The following KIF1B variants were observed in gnomAD, a reference collection of about 807,000 sequenced individuals.
KIF1B encodes kinesin-like protein KIF1B.
KIF1B carries 76 observed loss-of-function variants against 241.9 expected under a neutral mutation model. The ratio of observed to expected loss-of-function variants is 0.31; its 90% confidence interval spans 0.26 to 0.38. KIF1B has a LOEUF of 0.38. KIF1B is among the 10% of genes least tolerant of loss of function. The probability of loss-of-function intolerance (pLI) is 1.00; values close to 1 mark genes in which losing one functional copy is unlikely to be tolerated. For missense variants in KIF1B, 1,622 were observed against 2,271.4 expected, an observed-to-expected ratio of 0.71 and a Z score of 5.81; for synonymous variants, 750 against 796.7, an observed-to-expected ratio of 0.94 and a Z score of 0.99.
At position 10,378,739 on chromosome 1, in the gene KIF1B, A is replaced by C. The variant is rs1414644373; in HGVS notation, c.*2152A>C. On this transcript the variant is annotated 3_prime_UTR_variant, in exon 49 of 49. Coordinates refer to ENST00000676179, the MANE Select transcript of KIF1B (RefSeq NM_001365951.3). ...TCCTGGTTGGGCTCATCTCTGAAGA[A>C]CAGGTCTCCCAGCTTCGCTCCTTAT... 5.6e-6 allele frequency: 2 copies of C among 355,868 alleles called. No homozygotes were observed. The highest frequency in any genetic ancestry group is 2.0e-5 in the African/African-American group (1 of 49,142). 22.0% of individuals were successfully genotyped at this position (355,868 alleles called of 1,614,324 possible). A position where few individuals can be genotyped will look rare whatever the true frequency, so the allele number is the denominator to read the frequency against.
Position 10,232,232 on chromosome 1 carries a change from A to AT in KIF1B, c.-79-11dup. On this transcript the variant is annotated splice_polypyrimidine_tract_variant and intron_variant, in intron 1 of 48. Coordinates refer to ENST00000676179, the MANE Select transcript of KIF1B (RefSeq NM_001365951.3). ...TTTAATTCTGACTACCTCATATGGA[A>AT]TTTTTTTCTTTTCAAAGGAAACTTG... 1.1e-6 allele frequency: 1 copy of AT among 880,312 alleles called. No homozygotes were observed. Among genetic ancestry groups the AT allele is most frequent in the Non-Finnish European group, 1.8e-6 (1 of 545,916 alleles). 54.5% of individuals were successfully genotyped at this position (880,312 alleles called of 1,614,324 possible). A position where few individuals can be genotyped will look rare whatever the true frequency, so the allele number is the denominator to read the frequency against.
chr1:10,243,072 C>T (rs895895780), intron 2 of KIF1B, among the ~76,000 whole-genome samples: 7 of 152,272 alleles, frequency 4.6e-5, no homozygotes, highest in East Asian at 1.9e-4. Context: ...GTTACTGACA[C>T]GTGTTCCTTT....
At chr1:10,290,589 C>T (rs370011130) in intron 15 of KIF1B, among the ~76,000 whole-genome samples, 1 of 151,818 alleles carries the variant, frequency 6.6e-6, no homozygotes, top group Non-Finnish European at 1.5e-5. Flanking sequence ...TCATGCCATT[C>T]TCCTTCCTCA....
intron 47 of KIF1B, 95 bp from the exon 48 acceptor site, chr1:10,375,160 C>G: frequency 6.8e-7 from 1 of 1,476,630 alleles, no homozygotes; most frequent in South Asian, 1.1e-5. Context: ...TTTGAACTTC[C>G]TTTGTGAAGT....
In KIF1B at chr1:10,370,568, AAG is replaced by A. The variant is rs938016700; in HGVS notation, c.4825-571_4825-570del. ...GACATAGCAAGACCTTATCTCGAAAAAGAAAATAATAATAATAATAATAATAA... is the reference window on the plus strand; with the variant it reads ...GACATAGCAAGACCTTATCTCGAAAAAAAATAATAATAATAATAATAATAA... On this transcript the variant is annotated intron_variant, in intron 44 of 48. Transcript: ENST00000676179. Among the ~76,000 whole-genome samples, 30 of 140,530 alleles carry A rather than the reference AAG, an allele frequency of 2.1e-4. 1 individual carries two copies. Among genetic ancestry groups the A allele is most frequent in the Non-Finnish European group, 7.6e-5 (5 of 65,400 alleles). The allele number at this position is 140,530 out of a possible 152,430, so 92.2% of individuals were successfully genotyped here.
At position 10,256,719 on chromosome 1, in the gene KIF1B, A is replaced by T. The variant is rs560046586; in HGVS notation, c.183+396A>T. On this transcript the variant is annotated intron_variant, in intron 3 of 48. Coordinates refer to ENST00000676179, the MANE Select transcript of KIF1B (RefSeq NM_001365951.3). ...AATAATAATAATTATTATTATTATTATTTTTCTTCTGAGACGGAGTCTCAC... is the reference window on the plus strand; with the variant it reads ...AATAATAATAATTATTATTATTATTTTTTTTCTTCTGAGACGGAGTCTCAC... Among the ~76,000 whole-genome samples the T allele has an allele frequency of 6.1e-4, 91 of 149,678 alleles. 1 individual carries two copies. The Middle Eastern group carries it at 0.014, about 23-fold the overall frequency.
intron 1 of KIF1B, among the ~76,000 whole-genome samples, chr1:10,229,922 G>A (rs1056732095): frequency 2.0e-5 from 3 of 151,100 alleles, no homozygotes; most frequent in African/African-American, 7.3e-5. Context: ...GCCAGACGTG[G>A]TGGCTCACAC....
At chr1:10,223,362 G>T (rs1305999739) in intron 1 of KIF1B, among the ~76,000 whole-genome samples, 2 of 152,070 alleles carry the variant, frequency 1.3e-5, no homozygotes, top group Non-Finnish European at 2.9e-5. Context: ...TTCTTTAAAG[G>T]AGCAGGGAGT....
chr1:10,267,162 G>C (rs1187803545), intron 5 of KIF1B, among the ~76,000 whole-genome samples: 1 of 152,046 alleles, frequency 6.6e-6, no homozygotes, highest in Non-Finnish European at 1.5e-5. Flanking sequence ...GAGACTACAG[G>C]CATGTGCCAC....
At chr1:10,254,589 T>G (rs1450568261) in intron 2 of KIF1B, among the ~76,000 whole-genome samples, 20 of 152,010 alleles carry the variant, frequency 1.3e-4, no homozygotes. Flanking sequence ...TAAAAAGAGC[T>G]TTCATGGCCA....
At chr1:10,244,663 A>T (rs1255047304) in intron 2 of KIF1B, among the ~76,000 whole-genome samples, 1 of 133,356 alleles carries the variant, frequency 7.5e-6, no homozygotes, top group Non-Finnish European at 1.6e-5. Flanking sequence ...CCCAGGCTGG[A>T]GTGCAGTGGC....
intron 41 of KIF1B, among the ~76,000 whole-genome samples, 176 bp downstream of exon 41, chr1:10,363,520 C>A (rs1388404487): frequency 6.6e-6 from 1 of 152,018 alleles, no homozygotes; most frequent in East Asian, 1.9e-4. Flanking sequence ...GGTGAAGCCC[C>A]CCTTTCTACC....
At chr1:10,249,090 G>A (rs1006752793) in intron 2 of KIF1B, among the ~76,000 whole-genome samples, 8 of 152,214 alleles carry the variant, frequency 5.3e-5, no homozygotes, top group African/African-American at 9.6e-5. Context: ...ACTTGTCCTA[G>A]ACAAAGCCTA....
intron 2 of KIF1B, among the ~76,000 whole-genome samples, chr1:10,246,867 T>A (rs577311663): frequency 7.2e-5 from 11 of 152,334 alleles, no homozygotes; most frequent in South Asian, 2.1e-4. Flanking sequence ...AATGTAATTT[T>A]AAATTTTTTT....
chr1:10,361,482 A>G (rs570132595), intron 39 of KIF1B, among the ~76,000 whole-genome samples: 1 of 152,228 alleles, frequency 6.6e-6, no homozygotes, highest in Non-Finnish European at 1.5e-5. Context: ...AGGAGAAACA[A>G]CATTTACCTC....
At chr1:10,221,891 C>T (rs1237728456) in intron 1 of KIF1B, among the ~76,000 whole-genome samples, 1 of 152,168 alleles carries the variant, frequency 6.6e-6, no homozygotes, top group Non-Finnish European at 1.5e-5. Flanking sequence ...TCTTGGCTCA[C>T]TGCAACCTGT....
intron 23 of KIF1B, 82 bp downstream of exon 23, chr1:10,320,218 G>A (rs1328913128): frequency 1.5e-5 from 14 of 920,476 alleles, no homozygotes; most frequent in Non-Finnish European, 2.3e-5. Flanking sequence ...CATAATCAAA[G>A]CTGGATTCCT....
chr1:10,370,458 G>A (rs983237005), intron 44 of KIF1B, among the ~76,000 whole-genome samples: 3 of 151,190 alleles, frequency 2.0e-5, no homozygotes, highest in African/African-American at 7.3e-5. Flanking sequence ...CAGCTACTCA[G>A]GAAGCTGAGA....
At chr1:10,249,886 G>A (rs1434708406) in intron 2 of KIF1B, among the ~76,000 whole-genome samples, 1 of 152,196 alleles carries the variant, frequency 6.6e-6, no homozygotes, top group Non-Finnish European at 1.5e-5. Context: ...TAGGGCGACA[G>A]AGCAAGACCC....
Sources: gnomAD v4.1 joint callset for allele counts (sites outside exome capture counted in the v4.1 genomes callset) on GRCh38, gnomAD v4.1.1 for gene constraint, MANE v1.5 for transcripts, NCBI Gene and HGNC (gene_info 2026-07-23, HGNC 2026-07-21) for gene names.